N4BP2L2: variants seen among roughly 807,000 people sequenced by gnomAD.
N4BP2L2 encodes NEDD4-binding protein 2-like 2.
A neutral mutation model predicts 56.2 loss-of-function variants in N4BP2L2; 50 were observed. The ratio of observed to expected loss-of-function variants is 0.89; its 90% CI spans 0.71 to 1.13. The LOEUF is 1.13. N4BP2L2 is among the 50% of genes most tolerant of loss of function. N4BP2L2 has a pLI of 0.00. For synonymous variants in N4BP2L2, 203 were observed against 223.6 expected, an observed-to-expected ratio of 0.91 and a Z score of 0.82; for missense variants, 689 against 693.8, an observed-to-expected ratio of 0.99 and a Z score of 0.08.
chr13:32,531,805 T>G (rs2054876779), intron 2 of N4BP2L2, among the ~76,000 whole-genome samples: 1 of 152,186 alleles, frequency 6.6e-6, no homozygotes, highest in African/African-American at 2.4e-5. Flanking sequence ...GTTCTGAAGG[T>G]CAGTAGTCCA....
chr13:32,503,066 G>A (rs181806754), intron 6 of N4BP2L2, among the ~76,000 whole-genome samples: 2 of 150,788 alleles, frequency 1.3e-5, no homozygotes, highest in East Asian at 3.9e-4. Context: ...CCAGCGACTC[G>A]GGAGGCTGAG....
At position 32,437,138 on chromosome 13, in the gene N4BP2L2, C is replaced by T. The variant is rs552221645; in HGVS notation, c.2191-733G>A. On this transcript the variant is annotated intron_variant, in intron 8 of 9. Transcript: ENST00000357505. Reference sequence around the variant, plus strand: ...CCTCAAGTGATCCACCCAACTTGGCCTCCCAAAATGCTGGGATTATAGGCA... The same window carrying T: ...CCTCAAGTGATCCACCCAACTTGGCTTCCCAAAATGCTGGGATTATAGGCA... Among the ~76,000 whole-genome samples the T allele has an allele frequency of 3.3e-5, 5 of 152,214 alleles. No homozygotes were observed. In the South Asian group the frequency reaches 1.0e-3, roughly 32 times the overall value.
In N4BP2L2 at chr13:32,495,136, A is replaced by T. The variant is rs372936837; in HGVS notation, c.365+22721T>A. Reference sequence around the variant, plus strand: ...AATAAACTGCACAGCTTTCTTATGCACAAACTGCTATGGATACTCAAGAAT... The same window carrying T: ...AATAAACTGCACAGCTTTCTTATGCTCAAACTGCTATGGATACTCAAGAAT... On this transcript the variant is annotated intron_variant, in intron 6 of 9. Coordinates refer to the N4BP2L2 transcript ENST00000357505. Among the ~76,000 whole-genome samples, 19 of 152,308 alleles carry T rather than the reference A, an allele frequency of 1.2e-4. 1 individual carries two copies. In the East Asian group the frequency reaches 3.5e-3, roughly 28 times the overall value.
At chr13:32,536,941 G>A (rs2056701166) in exon 2 of N4BP2L2, 6 of 1,613,364 alleles carry the variant, frequency 3.7e-6, no homozygotes, top group Non-Finnish European at 4.2e-6. Context: ...ACGACTCTGT[G>A]GTTGACTTCA....
chr13:32,437,822 A>T (rs1159061669), intron 8 of N4BP2L2, among the ~76,000 whole-genome samples: 1 of 152,232 alleles, frequency 6.6e-6, no homozygotes, highest in Non-Finnish European at 1.5e-5. Flanking sequence ...ATACCTGTAT[A>T]TTCCTCCACA....
chr13:32,533,392 CTGAT>C (rs2055550304), intron 2 of N4BP2L2, among the ~76,000 whole-genome samples: 1 of 152,022 alleles, frequency 6.6e-6, no homozygotes, highest in Non-Finnish European at 1.5e-5. Flanking sequence ...TAGAGACATG[CTGAT>C]TGAGATGTGG....
chr13:32,505,583 T>C (rs1375547209), downstream of N4BP2L2: 1 of 152,222 alleles, frequency 6.6e-6, no homozygotes, highest in Non-Finnish European at 1.5e-5. Flanking sequence ...CTTTAATGCA[T>C]TGCTTAGAAA....
intron 6 of N4BP2L2, among the ~76,000 whole-genome samples, chr13:32,470,941 G>T (rs2082177401): frequency 6.6e-6 from 1 of 152,172 alleles, no homozygotes; most frequent in African/African-American, 2.4e-5. Context: ...GTCTAGCTGG[G>T]GTGCTACTGC....
At chr13:32,438,177 T>C (rs2075741360) in intron 8 of N4BP2L2, among the ~76,000 whole-genome samples, 3 of 152,208 alleles carry the variant, frequency 2.0e-5, no homozygotes, top group African/African-American at 7.2e-5. Flanking sequence ...TAATGCATTA[T>C]TGTTAACTAT....
At chr13:32,482,460 C>G (rs932494440) in intron 6 of N4BP2L2, among the ~76,000 whole-genome samples, 1 of 152,056 alleles carries the variant, frequency 6.6e-6, no homozygotes, top group Non-Finnish European at 1.5e-5. Flanking sequence ...CTCCTGGGTT[C>G]AAGTGATCCT....
rs765393044 is a variant in N4BP2L2, at chr13:32,527,545, G to A, written c.1260-13C>T. 6.2e-7 allele frequency: 1 copy of A among 1,608,194 alleles called. No individual in the cohort carries two copies. Among genetic ancestry groups the A allele is most frequent in the Admixed American group, 1.7e-5 (1 of 59,392 alleles). The stretch of plus-strand genomic sequence containing the variant: ...ACCAAGCAGAATTCTGTTAATAAAA[G>A]AAATCATAAAGGTGCCATTTACAAA... On this transcript the variant is annotated splice_polypyrimidine_tract_variant and intron_variant, in intron 2 of 5. Transcript: ENST00000267068.
At chr13:32,442,738 A>G in exon 7 of N4BP2L2, 1 of 1,613,396 alleles carries the variant, frequency 6.2e-7, no homozygotes, top group Non-Finnish European at 8.5e-7. Flanking sequence ...TAAATTATGT[A>G]GCACAAAAGA....
At chr13:32,536,699 A>G in exon 2 of N4BP2L2, 2 of 1,614,128 alleles carry the variant, frequency 1.2e-6, no homozygotes, top group Non-Finnish European at 1.7e-6. Flanking sequence ...GTCTGCGGAT[A>G]CTAATGGAGG....
exon 2 of N4BP2L2, chr13:32,535,926 C>T (rs1282143263): frequency 1.9e-6 from 3 of 1,614,012 alleles, no homozygotes; most frequent in East Asian, 4.5e-5. Context: ...CTTTCTCTGA[C>T]TTCACAGAAA....
downstream of N4BP2L2, chr13:32,507,959 T>C (rs1249777321): frequency 6.6e-6 from 1 of 151,984 alleles, no homozygotes; most frequent in Non-Finnish European, 1.5e-5. Flanking sequence ...GAACTGAAAT[T>C]TGAAGAATTC....
In N4BP2L2 at chr13:32,519,618, C is replaced by T. The variant is rs192757214; in HGVS notation, c.1551-1615G>A. ...TAAGCTGAGATCGCCCCACTGAACTCCAGCCTGGGAAACAAAATGAGACTC... is the reference window on the plus strand; with the variant it reads ...TAAGCTGAGATCGCCCCACTGAACTTCAGCCTGGGAAACAAAATGAGACTC... On this transcript the variant is annotated intron_variant, in intron 5 of 5. Transcript: ENST00000267068. 8.6e-5 allele frequency among the ~76,000 whole-genome samples: 13 copies of T among 152,038 alleles called. No homozygotes were observed. The East Asian group carries it at 2.5e-3, about 29-fold the overall frequency.
At chr13:32,518,750 T>C (rs2049918575) in intron 5 of N4BP2L2, among the ~76,000 whole-genome samples, 1 of 152,216 alleles carries the variant, frequency 6.6e-6, no homozygotes, top group Non-Finnish European at 1.5e-5. Context: ...AAAGAGCTTC[T>C]GAGATGCTGG....
chr13:32,480,202 A>C (rs2084313154), intron 6 of N4BP2L2, among the ~76,000 whole-genome samples: 1 of 152,234 alleles, frequency 6.6e-6, no homozygotes, highest in African/African-American at 2.4e-5. Context: ...CTGAGGAAGA[A>C]GACAGTGGAA....
chr13:32,433,548 G>A (rs577169163), intron 9 of N4BP2L2, among the ~76,000 whole-genome samples: 13 of 152,130 alleles, frequency 8.5e-5, no homozygotes, highest in South Asian at 2.1e-4. Flanking sequence ...TAGGAGAATC[G>A]CTTGAACCTG....
Sources: gnomAD v4.1 joint callset for allele counts (sites outside exome capture counted in the v4.1 genomes callset) on GRCh38, gnomAD v4.1.1 for gene constraint, MANE v1.5 for transcripts, NCBI Gene and HGNC (gene_info 2026-07-23, HGNC 2026-07-21) for gene names.